ARSB: variants seen among roughly 807,000 people sequenced by gnomAD.
The protein encoded by ARSB is arylsulfatase B, also known as N-acetylgalactosamine-4-sulfatase.
ARSB carries 41 observed loss-of-function variants against 50.9 expected under a neutral mutation model. The observed-to-expected ratio is 0.81, with a 90% confidence interval of 0.63 to 1.04. The LOEUF (loss-of-function observed/expected upper bound fraction) is 1.04, where lower values mean the gene tolerates loss of function less well. ARSB is among the 50% of genes least tolerant of loss of function. ARSB has a pLI of 0.00. For missense variants in ARSB, 672 were observed against 693.3 expected (o/e 0.97, Z 0.35); for synonymous variants, 269 against 284.8 (o/e 0.94, Z 0.56).
In ARSB at chr5:78,909,995, C is replaced by T. The variant is rs555941379; in HGVS notation, c.899-24168G>A. Among the ~76,000 whole-genome samples the T allele has an allele frequency of 2.0e-5, 3 of 152,364 alleles. No homozygotes were observed. The South Asian group carries it at 6.2e-4, about 32-fold the overall frequency. On this transcript the variant is annotated intron_variant, in intron 4 of 7. Transcript: ENST00000264914. ...AGCAATGCTGCTCTGCTACTCTTTA[C>T]TCCACTGAGATGTTTGGGTGGAGAG...
intron 5 of ARSB, among the ~76,000 whole-genome samples, chr5:78,850,341 G>C (rs1285578580): frequency 5.3e-5 from 8 of 152,254 alleles, no homozygotes; most frequent in South Asian, 4.1e-4. Flanking sequence ...CTTTGGTTCT[G>C]GTTATATGCT....
chr5:78,850,974 C>T lies in ARSB; in HGVS notation c.1143-11548G>A, dbSNP rs1172472503. ...TTTTCTTCTTTGTTAGTCTTGCTAG[C>T]GGTCTATCAATTTTGTTGATCTTTT... On this transcript the variant is annotated intron_variant, in intron 5 of 7. Transcript: ENST00000264914. Among the ~76,000 whole-genome samples, 16 of 152,162 alleles carry T rather than the reference C, an allele frequency of 1.1e-4. No individual in the cohort carries two copies. The South Asian group carries it at 2.3e-3, about 22-fold the overall frequency.
At chr5:78,880,236 C>T (rs978036866) in intron 5 of ARSB, among the ~76,000 whole-genome samples, 2 of 152,184 alleles carry the variant, frequency 1.3e-5, no homozygotes, top group Non-Finnish European at 2.9e-5. Context: ...TTAAAGGTTA[C>T]TTCTGATCAA....
At chr5:78,916,825 C>T (rs1227523457) in intron 4 of ARSB, among the ~76,000 whole-genome samples, 1 of 151,428 alleles carries the variant, frequency 6.6e-6, no homozygotes, top group Non-Finnish European at 1.5e-5. Context: ...CATAGATACA[C>T]ACACACATGT....
chr5:78,781,963 T>G lies in ARSB; in HGVS notation c.1225A>C (p.Ser409Arg). 2 of 1,614,176 alleles carry G rather than the reference T, an allele frequency of 1.2e-6. No individual in the cohort carries two copies. The highest frequency in any genetic ancestry group is 1.7e-6 in the Non-Finnish European group (2 of 1,179,982). The change falls in exon 7 of 8, where the codon AGC becomes CGC. Residue 409 changes from serine to arginine, a missense_variant. Coordinates refer to ENST00000264914, the MANE Select transcript of ARSB (RefSeq NM_000046.5). Reference protein sequence around the residue: ...FVDSSPCPRNSMAPAKDDSSL... With the variant: ...FVDSSPCPRNRMAPAKDDSSL... ...GAGTCATCCTTTGCTGGAGCCATGC[T>G]GTTCCTGGGACCTGGGAAGAAATAG...
intron 5 of ARSB, among the ~76,000 whole-genome samples, chr5:78,845,128 T>A (rs1196119166): frequency 6.6e-6 from 1 of 152,078 alleles, no homozygotes; most frequent in Non-Finnish European, 1.5e-5. Flanking sequence ...TGAGAACATG[T>A]GGTATTTATC....
intron 4 of ARSB, among the ~76,000 whole-genome samples, chr5:78,909,889 G>A (rs185535390): frequency 7.9e-5 from 12 of 152,282 alleles, no homozygotes; most frequent in East Asian, 3.9e-4. Flanking sequence ...TGAATGTCTC[G>A]GTATAAAACC....
intron 4 of ARSB, among the ~76,000 whole-genome samples, chr5:78,908,166 G>C (rs1170444698): frequency 6.6e-6 from 1 of 152,112 alleles, no homozygotes; most frequent in Non-Finnish European, 1.5e-5. Context: ...TGGCCCATCA[G>C]AGTCACGTAT....
chr5:78,841,168 C>CTACTACTACTACTACTACTAA lies in ARSB; in HGVS notation c.1143-1743_1143-1742insTTAGTAGTAGTAGTAGTAGTA, dbSNP rs368030435. On this transcript the variant is annotated intron_variant, in intron 5 of 7. Transcript: ENST00000264914. The stretch of plus-strand genomic sequence containing the variant: ...ACTACTACTACTACTACTACTACTA[C>CTACTACTACTACTACTACTAA]TAATAATAATAATAATTTGAGCATG... Among the ~76,000 whole-genome samples, 1,191 of 131,968 alleles carry CTACTACTACTACTACTACTAA rather than the reference C, an allele frequency of 9.0e-3. 11 individuals are homozygous for CTACTACTACTACTACTACTAA. The highest frequency in any genetic ancestry group is 0.027 in the South Asian group (102 of 3,762). The allele number at this position is 131,968 out of a possible 152,430, so 86.6% of individuals were successfully genotyped here.
At chr5:78,808,743 C>G (rs958508179) in intron 6 of ARSB, among the ~76,000 whole-genome samples, 2 of 152,226 alleles carry the variant, frequency 1.3e-5, no homozygotes, top group Non-Finnish European at 2.9e-5. Flanking sequence ...CCATCTTACT[C>G]TCAGCCTTCA....
Position 78,899,416 on chromosome 5 carries a change from G to C in ARSB, c.899-13589C>G, listed in dbSNP as rs183223946. 2.7e-4 allele frequency among the ~76,000 whole-genome samples: 41 copies of C among 152,094 alleles called. No homozygotes were observed. In the East Asian group the frequency reaches 7.3e-3, roughly 27 times the overall value. ...AATCAACTTTCTACCCCTTGCTCTC[G>C]CTTCACTCTCTCTTGAACACCAACA... On this transcript the variant is annotated intron_variant, in intron 4 of 7. Coordinates refer to ENST00000264914, the MANE Select transcript of ARSB (RefSeq NM_000046.5).
intron 6 of ARSB, among the ~76,000 whole-genome samples, chr5:78,823,229 AATG>A (rs1744305271): frequency 6.6e-6 from 1 of 152,190 alleles, no homozygotes; most frequent in Non-Finnish European, 1.5e-5. Context: ...AAGCTCACAT[AATG>A]ATGACACTGG....
At chr5:78,870,650 T>C (rs189035470) in intron 5 of ARSB, among the ~76,000 whole-genome samples, 2,249 of 151,276 alleles carry the variant, frequency 0.015, 54 homozygotes, top group African/African-American at 0.051. Context: ...AATTAGGTAT[T>C]GATGGGACGT....
At chr5:78,830,743 G>C (rs901916956) in intron 6 of ARSB, among the ~76,000 whole-genome samples, 4 of 152,192 alleles carry the variant, frequency 2.6e-5, no homozygotes, top group Admixed American at 6.5e-5. Context: ...AGAAGCCTTT[G>C]AAAATTAAAA....
At chr5:78,943,927 G>A (rs974671080) in intron 4 of ARSB, among the ~76,000 whole-genome samples, 2 of 152,222 alleles carry the variant, frequency 1.3e-5, no homozygotes, top group Non-Finnish European at 2.9e-5. Flanking sequence ...ATCAGATGTA[G>A]ATTTGGTCTT....
intron 5 of ARSB, among the ~76,000 whole-genome samples, chr5:78,842,957 T>C (rs1187659924): frequency 6.6e-6 from 1 of 152,204 alleles, no homozygotes; most frequent in Non-Finnish European, 1.5e-5. Flanking sequence ...TTAGGTATCT[T>C]GTTTTTTGCA....
chr5:78,969,285 G>A (rs1752346522), intron 1 of ARSB, 93 bp from the exon 2 acceptor site: 2 of 1,347,286 alleles, frequency 1.5e-6, no homozygotes, highest in African/African-American at 2.9e-5. Context: ...GATCATATCT[G>A]TTGACTTGGA....
intron 4 of ARSB, among the ~76,000 whole-genome samples, chr5:78,945,642 T>C (rs1224626110): frequency 4.6e-5 from 7 of 152,092 alleles, no homozygotes. Context: ...TCACAATTCC[T>C]CCCTGCATGT....
chr5:78,964,333 CAACA>C, intron 3 of ARSB, 79 bp downstream of exon 3: 1 of 1,363,182 alleles, frequency 7.3e-7, no homozygotes. Flanking sequence ...TTTCCCTAAA[CAACA>C]ATGGCCTTTT....
Sources: gnomAD v4.1 joint callset for allele counts (sites outside exome capture counted in the v4.1 genomes callset) on GRCh38, gnomAD v4.1.1 for gene constraint, MANE v1.5 for transcripts, NCBI Gene and HGNC (gene_info 2026-07-23, HGNC 2026-07-21) for gene names.